PLXNA4: variants seen among roughly 807,000 people sequenced by gnomAD.
PLXNA4 encodes plexin-A4.
Under a neutral mutation model 191.8 loss-of-function variants are expected in PLXNA4, and 44 were observed. That is an observed-to-expected ratio of 0.23 (90% CI 0.18 to 0.29). The LOEUF (loss-of-function observed/expected upper bound fraction) is 0.29, where lower values mean the gene tolerates loss of function less well. Among genes scored for constraint, PLXNA4 ranks in the 10% least tolerant of loss-of-function variants. The probability of loss-of-function intolerance (pLI) is 1.00; values close to 1 mark genes in which losing one functional copy is unlikely to be tolerated. For synonymous variants in PLXNA4, 1,082 were observed against 1,009.5 expected (o/e 1.07, Z -1.36); for missense variants, 1,800 against 2,488.8 (o/e 0.72, Z 5.89).
chr7:132,181,712 G>T (rs1796714167), intron 17 of PLXNA4, 92 bp from the exon 18 acceptor site: 2 of 1,525,314 alleles, frequency 1.3e-6, no homozygotes, highest in East Asian at 4.7e-5. Flanking sequence ...ATGTCATCGG[G>T]ATAGCAAGGG....
At chr7:132,486,765 C>G (rs983654306) in intron 3 of PLXNA4, among the ~76,000 whole-genome samples, 1 of 152,202 alleles carries the variant, frequency 6.6e-6, no homozygotes, top group East Asian at 1.9e-4. Flanking sequence ...GAATGCCGGC[C>G]GCGGTTTATG....
intron 3 of PLXNA4, among the ~76,000 whole-genome samples, chr7:132,318,686 A>G (rs1437540428): frequency 2.0e-5 from 2 of 102,314 alleles, no homozygotes; most frequent in Non-Finnish European, 4.0e-5. Context: ...TTTTTTTTTA[A>G]TTCTTCTCCC....
intron 21 of PLXNA4, among the ~76,000 whole-genome samples, chr7:132,168,949 C>T (rs906055508): frequency 5.9e-5 from 9 of 152,274 alleles, no homozygotes; most frequent in South Asian, 4.1e-4. Flanking sequence ...CCAGGGCTGT[C>T]GTGGTTTACA....
intron 3 of PLXNA4, among the ~76,000 whole-genome samples, chr7:132,365,360 T>TGTGTGTGTGTGTGTGTGTGC: frequency 7.8e-6 from 1 of 128,742 alleles, no homozygotes; most frequent in African/African-American, 3.0e-5. Flanking sequence ...TGTGTGTGTG[T>TGTGTGTGTGTGTGTGTGTGC]GCGTGCGCGC....
chr7:132,327,169 C>CAA (rs60359571), intron 3 of PLXNA4, among the ~76,000 whole-genome samples: 48,780 of 124,224 alleles, frequency 0.39, 11,070 homozygotes, highest in African/African-American at 0.67. Context: ...AAAAGGAAGG[C>CAA]AAAAAAAAAA....
At chr7:132,149,061 G>A (rs1049365308) in intron 25 of PLXNA4, among the ~76,000 whole-genome samples, 2 of 152,190 alleles carry the variant, frequency 1.3e-5, no homozygotes, top group Non-Finnish European at 2.9e-5. Context: ...TAGAGCTGAT[G>A]AAATCAAGGC....
chr7:132,495,509 G>A (rs1282421002), intron 2 of PLXNA4, among the ~76,000 whole-genome samples: 2 of 152,178 alleles, frequency 1.3e-5, no homozygotes, highest in African/African-American at 2.4e-5. Flanking sequence ...CTATGTACCT[G>A]CCCTGCTGCT....
intron 1 of PLXNA4, among the ~76,000 whole-genome samples, chr7:132,575,437 G>C (rs1174839623): frequency 6.6e-6 from 1 of 152,160 alleles, no homozygotes; most frequent in Non-Finnish European, 1.5e-5. Context: ...TGAGGGAGGG[G>C]AGCCTCCTCT....
chr7:132,137,564 CTT>C (rs1394737654), intron 30 of PLXNA4, among the ~76,000 whole-genome samples: 1 of 152,264 alleles, frequency 6.6e-6, no homozygotes, highest in East Asian at 1.9e-4. Flanking sequence ...CCAAGAGACT[CTT>C]CTCCCTTTTT....
chr7:132,361,104 G>A (rs1193107834), intron 3 of PLXNA4, among the ~76,000 whole-genome samples: 4 of 152,142 alleles, frequency 2.6e-5, no homozygotes, highest in African/African-American at 9.7e-5. Flanking sequence ...GCTGTAATGA[G>A]CGCTAGGGGG....
intron 3 of PLXNA4, among the ~76,000 whole-genome samples, chr7:132,337,069 T>G (rs138873645): frequency 6.6e-6 from 1 of 152,300 alleles, no homozygotes; most frequent in East Asian, 1.9e-4. Flanking sequence ...TTAACTAAAT[T>G]TCACCGCGGT....
At chr7:132,275,248 C>T (rs1002624255) in intron 4 of PLXNA4, among the ~76,000 whole-genome samples, 2 of 152,022 alleles carry the variant, frequency 1.3e-5, no homozygotes, top group Non-Finnish European at 2.9e-5. Flanking sequence ...AGTTATAGAA[C>T]CACAGGAAGT....
chr7:132,625,981 A>C (rs1176089570), intron 2 of PLXNA4, among the ~76,000 whole-genome samples: 1 of 152,162 alleles, frequency 6.6e-6, no homozygotes. Context: ...CTGAAATAGA[A>C]GCTTTAAGCA....
At chr7:132,461,157 G>A (rs561561570) in intron 3 of PLXNA4, among the ~76,000 whole-genome samples, 16 of 152,256 alleles carry the variant, frequency 1.1e-4, no homozygotes, top group Non-Finnish European at 2.2e-4. Context: ...GAAGAAATAT[G>A]CTTGGCTTTG....
intron 2 of PLXNA4, among the ~76,000 whole-genome samples, chr7:132,609,517 T>C (rs1803005706): frequency 6.6e-6 from 1 of 152,160 alleles, no homozygotes; most frequent in African/African-American, 2.4e-5. Flanking sequence ...GTGGCTATCG[T>C]CATATGTAGG....
chr7:132,264,538 C>T (rs56247819), intron 4 of PLXNA4, among the ~76,000 whole-genome samples: 22,094 of 151,986 alleles, frequency 0.15, 1,976 homozygotes, highest in African/African-American at 0.24. Context: ...TTTTGTGGCC[C>T]CTCTGCTACT....
intron 1 of PLXNA4, among the ~76,000 whole-genome samples, chr7:132,529,590 C>T (rs1799543353): frequency 6.6e-6 from 1 of 150,422 alleles, no homozygotes; most frequent in East Asian, 2.0e-4. Context: ...TTTTTAAAAG[C>T]TTCCCAAATA....
At chr7:132,187,413 C>A in intron 15 of PLXNA4, 58 bp downstream of exon 15, 1 of 1,569,408 alleles carries the variant, frequency 6.4e-7, no homozygotes, top group South Asian at 1.2e-5. Flanking sequence ...ACCCTGAAGT[C>A]ATTTACCTGT....
chr7:132,413,533 C>G (rs1794543055), intron 3 of PLXNA4, among the ~76,000 whole-genome samples: 1 of 152,210 alleles, frequency 6.6e-6, no homozygotes, highest in Middle Eastern at 3.2e-3. Flanking sequence ...CCAACCCCAA[C>G]AGACATGGCC....
Sources: allele counts gnomAD v4.1 joint callset (sites outside exome capture counted in the v4.1 genomes callset), GRCh38; gene constraint gnomAD v4.1.1; transcripts MANE v1.5; gene names NCBI Gene and HGNC (gene_info 2026-07-23, HGNC 2026-07-21).